CLCN1: variants seen among roughly 807,000 people sequenced by gnomAD.
The protein encoded by CLCN1 is chloride channel protein 1.
A neutral mutation model predicts 114.5 loss-of-function variants in CLCN1; 100 were observed. The observed-to-expected ratio is 0.87, with a 90% CI of 0.74 to 1.03. CLCN1 has a LOEUF of 1.03. CLCN1 is among the 50% of genes least tolerant of loss of function. The pLI is 0.00. For missense variants in CLCN1, 1,188 were observed against 1,250.0 expected (o/e 0.95, Z 0.75); for synonymous variants, 485 against 487.1 (o/e 1.00, Z 0.06).
chr7:143,340,095 C>T lies in CLCN1; in HGVS notation c.1582+474C>T, dbSNP rs144343734. On this transcript the variant is annotated intron_variant, in intron 14 of 22. Coordinates refer to ENST00000343257, the MANE Select transcript of CLCN1 (RefSeq NM_000083.3). ...TGAAGCAAGATAGCTGCTTCTGAGC[C>T]CTAGTTTCTTTATTCTAAAATGACT... 3.3e-5 allele frequency among the ~76,000 whole-genome samples: 5 copies of T among 152,268 alleles called. No individual in the cohort carries two copies. In the East Asian group the frequency reaches 9.6e-4, roughly 29 times the overall value.
At chr7:143,319,286 A>T (rs1802366533) in intron 1 of CLCN1, among the ~76,000 whole-genome samples, 1 of 152,216 alleles carries the variant, frequency 6.6e-6, no homozygotes, top group South Asian at 2.1e-4. Flanking sequence ...ACACCAAGGC[A>T]AAGTGCAACC....
At chr7:143,317,230 G>A (rs898809916) in intron 1 of CLCN1, among the ~76,000 whole-genome samples, 2 of 151,438 alleles carry the variant, frequency 1.3e-5, no homozygotes, top group Non-Finnish European at 2.9e-5. Context: ...TGTCTAGAGG[G>A]CAGTTGGCCA....
chr7:143,333,172 A>C (rs1030154913), intron 12 of CLCN1, among the ~76,000 whole-genome samples: 2 of 152,098 alleles, frequency 1.3e-5, no homozygotes, highest in African/African-American at 4.8e-5. Context: ...ATGGTGGCGC[A>C]TGCCTGTAAT....
At chr7:143,322,270 T>A (rs745507571) in intron 5 of CLCN1, among the ~76,000 whole-genome samples, 2 of 152,152 alleles carry the variant, frequency 1.3e-5, no homozygotes, top group Non-Finnish European at 2.9e-5. Context: ...GAACACTGTC[T>A]TAGAGATCAT....
chr7:143,317,931 A>G (rs983192613), intron 1 of CLCN1, among the ~76,000 whole-genome samples: 2 of 152,162 alleles, frequency 1.3e-5, no homozygotes, highest in Non-Finnish European at 2.9e-5. Context: ...AACTTGAGTA[A>G]CAGTGCCATT....
At chr7:143,329,921 G>A (rs372169391) in intron 7 of CLCN1, among the ~76,000 whole-genome samples, 5 of 151,772 alleles carry the variant, frequency 3.3e-5, no homozygotes, top group East Asian at 1.9e-4. Context: ...TGCTTTTTAC[G>A]CCCTCACTCG....
intron 12 of CLCN1, 62 bp downstream of exon 12, chr7:143,332,935 G>T: frequency 6.4e-7 from 1 of 1,553,344 alleles, no homozygotes; most frequent in Middle Eastern, 1.7e-4. Flanking sequence ...ATGAACCCAG[G>T]GTTTGCATAG....
chr7:143,349,279 C>A (rs571781944), intron 20 of CLCN1, among the ~76,000 whole-genome samples: 1 of 152,146 alleles, frequency 6.6e-6, no homozygotes, highest in East Asian at 1.9e-4. Flanking sequence ...TCCATTAGTC[C>A]GGAAGATGAG....
chr7:143,322,394 T>A (rs564984654), intron 5 of CLCN1, among the ~76,000 whole-genome samples: 2 of 152,338 alleles, frequency 1.3e-5, no homozygotes, highest in South Asian at 4.1e-4. Context: ...CTGGTGTTCA[T>A]CTTTGCCCCC....
chr7:143,344,638 G>A (rs541562364), intron 16 of CLCN1, among the ~76,000 whole-genome samples: 1 of 152,066 alleles, frequency 6.6e-6, no homozygotes, highest in South Asian at 2.1e-4. Flanking sequence ...GAGCACTGCT[G>A]CAATGTCTTG....
chr7:143,320,554 TCTCTCTC>T, intron 2 of CLCN1, 103 bp from the exon 3 acceptor site: 1 of 143,540 alleles, frequency 7.0e-6, no homozygotes, highest in East Asian at 2.0e-4. Flanking sequence ...TAGCTGCTTT[TCTCTCTC>T]TCTCTCTCTC....
chr7:143,346,034 G>C (rs1440894165), intron 17 of CLCN1, 106 bp from the exon 18 acceptor site: 7 of 871,988 alleles, frequency 8.0e-6, no homozygotes, highest in Non-Finnish European at 1.3e-5. Flanking sequence ...CTGAACTGGG[G>C]GGAAGAATAG....
intron 2 of CLCN1, 126 bp from the exon 3 acceptor site, chr7:143,320,538 A>C: frequency 2.8e-5 from 23 of 820,348 alleles, no homozygotes; most frequent in South Asian, 4.7e-5. Flanking sequence ...TAAAGTAGTG[A>C]CTCGTTAGCT....
chr7:143,343,714 C>CTT (rs1356470955), intron 16 of CLCN1, among the ~76,000 whole-genome samples: 11 of 140,664 alleles, frequency 7.8e-5, no homozygotes, highest in South Asian at 2.3e-4. Context: ...TCCTTTCTTT[C>CTT]TCTTTCTTTC....
intron 22 of CLCN1, 35 bp from the exon 23 acceptor site, chr7:143,351,559 T>G: frequency 6.2e-7 from 1 of 1,611,356 alleles, no homozygotes; most frequent in Non-Finnish European, 8.5e-7. Flanking sequence ...TTTTTCCAAC[T>G]TTTTACCCTC....
Position 143,342,521 on chromosome 7 carries a change from G to A in CLCN1, c.1930+16G>A, listed in dbSNP as rs1803113415. 2.5e-6 allele frequency: 4 copies of A among 1,613,902 alleles called. No homozygotes were observed. Among genetic ancestry groups the A allele is most frequent in the East Asian group, 2.2e-5 (1 of 44,886 alleles). On this transcript the variant is annotated intron_variant, in intron 16 of 22. Transcript: ENST00000343257. ...GACTCAAAAGGTCAGTGGGGAGGAA[G>A]AAGTCGACTCCAGAGCTAGTGACCT...
chr7:143,320,796 G>A lies in CLCN1; in HGVS notation c.433+1G>A, dbSNP rs1056856929. The A allele has an allele frequency of 6.2e-7, 1 of 1,614,008 alleles. No homozygotes were observed. The highest frequency in any genetic ancestry group is 1.3e-5 in the African/African-American group (1 of 75,004). Reference sequence around the variant, plus strand: ...TACGTCAGTGCCAAAAGCCTTCAGGGTAGGTTTAACCTGGACCTTTGCCCA... The same window carrying A: ...TACGTCAGTGCCAAAAGCCTTCAGGATAGGTTTAACCTGGACCTTTGCCCA... On this transcript the variant is annotated splice_donor_variant, in intron 3 of 22. Coordinates refer to ENST00000343257, the MANE Select transcript of CLCN1 (RefSeq NM_000083.3). LOFTEE classifies it high-confidence loss of function.
At chr7:143,338,809 G>GA (rs1409666664) in intron 12 of CLCN1, among the ~76,000 whole-genome samples, 11,377 of 132,258 alleles carry the variant, frequency 0.086, 1,490 homozygotes, top group African/African-American at 0.29. Flanking sequence ...AAAAAAAAAA[G>GA]AAAAAAAAAA....
intron 20 of CLCN1, among the ~76,000 whole-genome samples, chr7:143,347,707 AG>A (rs1166401750): frequency 1.3e-5 from 2 of 151,936 alleles, no homozygotes; most frequent in Non-Finnish European, 2.9e-5. Flanking sequence ...GCCCTGAGAC[AG>A]TGAACAACTG....
Sources: allele counts gnomAD v4.1 joint callset (sites outside exome capture counted in the v4.1 genomes callset), GRCh38; gene constraint gnomAD v4.1.1; transcripts MANE v1.5; gene names NCBI Gene and HGNC (gene_info 2026-07-23, HGNC 2026-07-21).